Variants in TENM3 observed in about 807,000 individuals in gnomAD.
The protein encoded by TENM3 is teneurin transmembrane protein 3, also known as teneurin-3.
TENM3 carries 63 observed loss-of-function variants against 255.1 expected under a neutral mutation model. The observed-to-expected ratio is 0.25, with a 90% CI of 0.20 to 0.30. The LOEUF is 0.30. TENM3 is among the 10% of genes least tolerant of loss of function. The probability of loss-of-function intolerance (pLI) is 1.00; values close to 1 mark genes in which losing one functional copy is unlikely to be tolerated. For synonymous variants in TENM3, 1,306 were observed against 1,322.3 expected (o/e 0.99, Z 0.27); for missense variants, 2,929 against 3,461.1 (o/e 0.85, Z 3.86).
the TENM3 span, among the ~76,000 whole-genome samples, chr4:181,573,157 G>T: frequency 6.6e-6 from 1 of 152,054 alleles, no homozygotes; most frequent in Non-Finnish European, 1.5e-5. Context: ...GGGCACTTAG[G>T]TCTCTTCCAA....
chr4:181,475,581 A>G, the TENM3 span, among the ~76,000 whole-genome samples: 1 of 152,298 alleles, frequency 6.6e-6, no homozygotes, highest in Non-Finnish European at 1.5e-5. Context: ...CTGGGCTGAA[A>G]ACTGCTGAAA....
chr4:182,428,941 T>C (rs1374809679), intron 3 of TENM3, among the ~76,000 whole-genome samples: 1 of 152,170 alleles, frequency 6.6e-6, no homozygotes, highest in African/African-American at 2.4e-5. Flanking sequence ...TCCTGTTTTA[T>C]GTGTGTATAA....
chr4:182,593,341 G>GTCTC (rs1271885901), intron 3 of TENM3, among the ~76,000 whole-genome samples: 4 of 151,760 alleles, frequency 2.6e-5, no homozygotes, highest in Non-Finnish European at 5.9e-5. Context: ...AACTGTTTCT[G>GTCTC]TCTCTCTGTC....
chr4:181,670,307 GCC>G, the TENM3 span, among the ~76,000 whole-genome samples: 1 of 152,138 alleles, frequency 6.6e-6, no homozygotes, highest in African/African-American at 2.4e-5. Flanking sequence ...AAAAGTAATT[GCC>G]GAGAGTGACC....
At chr4:182,614,242 T>C (rs1253696710) in intron 4 of TENM3, among the ~76,000 whole-genome samples, 1 of 152,190 alleles carries the variant, frequency 6.6e-6, no homozygotes, top group Non-Finnish European at 1.5e-5. Context: ...TTTCTTTTTA[T>C]AATTGCATAG....
intron 1 of TENM3, among the ~76,000 whole-genome samples, chr4:182,202,291 G>T (rs571945600): frequency 8.7e-5 from 13 of 149,450 alleles, no homozygotes; most frequent in Admixed American, 8.0e-4. Flanking sequence ...TAAGATGTGT[G>T]CACTGCACTT....
At chr4:181,910,581 T>TATATATATATA in the TENM3 span, among the ~76,000 whole-genome samples, 2 of 100,802 alleles carry the variant, frequency 2.0e-5, no homozygotes, top group African/African-American at 6.7e-5. Flanking sequence ...ATAATGTACA[T>TATATATATATA]ATGTATTTGT....
chr4:182,433,119 G>A (rs577355072), intron 3 of TENM3, among the ~76,000 whole-genome samples: 84 of 152,278 alleles, frequency 5.5e-4, no homozygotes, highest in Non-Finnish European at 9.6e-4. Flanking sequence ...ATTAGCAGAG[G>A]TAGTGATTGT....
chr4:182,528,891 C>T (rs941392699), intron 3 of TENM3, among the ~76,000 whole-genome samples: 1 of 152,206 alleles, frequency 6.6e-6, no homozygotes, highest in South Asian at 2.1e-4. Flanking sequence ...ATGTGGCCTG[C>T]GGCCCAGAGG....
intron 3 of TENM3, among the ~76,000 whole-genome samples, chr4:182,404,008 C>G (rs1491002237): frequency 6.6e-6 from 1 of 152,228 alleles, no homozygotes; most frequent in Non-Finnish European, 1.5e-5. Context: ...AGGCAAGAAC[C>G]ACTGCACCAA....
chr4:182,259,679 A>T (rs1479910265), intron 1 of TENM3, among the ~76,000 whole-genome samples: 2 of 152,084 alleles, frequency 1.3e-5, no homozygotes, highest in African/African-American at 4.8e-5. Flanking sequence ...CTGATGACTT[A>T]ATACAAATCA....
At chr4:182,763,913 C>T (rs1008365635) in intron 22 of TENM3, among the ~76,000 whole-genome samples, 6 of 152,112 alleles carry the variant, frequency 3.9e-5, no homozygotes, top group Non-Finnish European at 8.8e-5. Context: ...TATCCATATC[C>T]AATGAAAGAT....
chr4:182,307,666 A>T (rs11723601), intron 1 of TENM3, among the ~76,000 whole-genome samples: 1,587 of 152,308 alleles, frequency 0.01, 18 homozygotes, highest in Middle Eastern at 0.031. Context: ...GGTGGGCAAA[A>T]TTAGATCATA....
At chr4:181,526,294 G>A in the TENM3 span, among the ~76,000 whole-genome samples, 2 of 150,304 alleles carry the variant, frequency 1.3e-5, no homozygotes, top group East Asian at 3.9e-4. Flanking sequence ...GCAAAGTAGC[G>A]AGTGAGGAAT....
chr4:182,242,590 G>A (rs572802407), upstream of TENM3, among the ~76,000 whole-genome samples: 7 of 152,096 alleles, frequency 4.6e-5, no homozygotes, highest in South Asian at 2.1e-4. Context: ...GTGAAAACCC[G>A]TCTCTACAAA....
chr4:181,890,743 G>C, the TENM3 span, among the ~76,000 whole-genome samples: 1 of 152,092 alleles, frequency 6.6e-6, no homozygotes, highest in African/African-American at 2.4e-5. Context: ...CCAACCATTT[G>C]TATGGAAAAT....
At chr4:182,784,179 G>C (rs1484738514) in intron 24 of TENM3, among the ~76,000 whole-genome samples, 16 of 152,096 alleles carry the variant, frequency 1.1e-4, no homozygotes, top group Admixed American at 6.5e-5. Context: ...CCCCATCTTT[G>C]TGGTTTTATC....
At chr4:182,714,948 G>T (rs564689040) in intron 13 of TENM3, among the ~76,000 whole-genome samples, 1 of 152,246 alleles carries the variant, frequency 6.6e-6, no homozygotes, top group South Asian at 2.1e-4. Context: ...GCAATGGCAC[G>T]ATCTCAGCTC....
the TENM3 span, among the ~76,000 whole-genome samples, chr4:181,929,462 A>C: frequency 6.6e-6 from 1 of 152,206 alleles, no homozygotes; most frequent in Admixed American, 6.5e-5. Flanking sequence ...TAAAGGAATC[A>C]ATGTAACAAG....
Sources: gnomAD v4.1 joint callset for allele counts (sites outside exome capture counted in the v4.1 genomes callset) on GRCh38, gnomAD v4.1.1 for gene constraint, MANE v1.5 for transcripts, NCBI Gene and HGNC (gene_info 2026-07-23, HGNC 2026-07-21) for gene names.